The following MDGA2 variants were observed in gnomAD, a reference collection of about 807,000 sequenced individuals.
MDGA2 encodes the protein MAM domain-containing glycosylphosphatidylinositol anchor protein 2.
Under a neutral mutation model 117.8 loss-of-function variants are expected in MDGA2, and 40 were observed. The observed-to-expected ratio is 0.34, with a 90% CI of 0.26 to 0.44. The LOEUF (loss-of-function observed/expected upper bound fraction) is 0.44, where lower values mean the gene tolerates loss of function less well. Among genes scored for constraint, MDGA2 ranks in the 20% least tolerant of loss-of-function variants. The pLI, the probability that MDGA2 is intolerant of heterozygous loss-of-function variation, is 1.00. For missense variants in MDGA2, 1,123 were observed against 1,250.6 expected, an observed-to-expected ratio of 0.90 and a Z score of 1.54; for synonymous variants, 452 against 439.0, an observed-to-expected ratio of 1.03 and a Z score of -0.37.
intron 1 of MDGA2, among the ~76,000 whole-genome samples, chr14:47,561,192 T>C (rs1895809300): frequency 7.0e-6 from 1 of 142,420 alleles, no homozygotes; most frequent in Non-Finnish European, 1.5e-5. Flanking sequence ...TTTTTTTGCT[T>C]AGGATTGCCT....
intron 10 of MDGA2, among the ~76,000 whole-genome samples, chr14:46,904,343 G>T (rs910129554): frequency 1.3e-5 from 2 of 148,644 alleles, no homozygotes; most frequent in African/African-American, 5.0e-5. Flanking sequence ...GTGAGAGAGA[G>T]GGAGACTCTG....
At chr14:47,459,942 G>A (rs1029558842) in intron 1 of MDGA2, among the ~76,000 whole-genome samples, 1 of 152,098 alleles carries the variant, frequency 6.6e-6, no homozygotes, top group Non-Finnish European at 1.5e-5. Context: ...GAATGATCAA[G>A]AGTGGATTTC....
At chr14:47,305,199 T>G (rs1257564758) in intron 1 of MDGA2, 1 of 152,224 alleles carries the variant, frequency 6.6e-6, no homozygotes, top group African/African-American at 2.4e-5. Flanking sequence ...ATTTGCTTAC[T>G]TTAAATATAA....
intron 1 of MDGA2, among the ~76,000 whole-genome samples, chr14:47,365,615 C>G (rs889238824): frequency 3.3e-5 from 5 of 151,956 alleles, no homozygotes; most frequent in Non-Finnish European, 2.9e-5. Context: ...CCTTTTTTTC[C>G]CCACATTAAG....
rs575015041 is a variant in MDGA2, at chr14:47,078,275, T to C, written c.1196-16697A>G. 1.2e-3 allele frequency among the ~76,000 whole-genome samples: 182 copies of C among 152,220 alleles called. 1 individual carries two copies. The highest frequency in any genetic ancestry group is 3.7e-3 in the South Asian group (18 of 4,826). On this transcript the variant is annotated intron_variant, in intron 6 of 16. Transcript: ENST00000399232. Reference sequence around the variant, plus strand: ...ATGAGATCTACTGACCTAGAATAGTTGAAAATATAGTACATGCTCTCCTCC... The same window carrying C: ...ATGAGATCTACTGACCTAGAATAGTCGAAAATATAGTACATGCTCTCCTCC...
At chr14:47,177,754 A>T (rs1884533518) in intron 3 of MDGA2, among the ~76,000 whole-genome samples, 1 of 152,126 alleles carries the variant, frequency 6.6e-6, no homozygotes, top group Non-Finnish European at 1.5e-5. Flanking sequence ...TACATATGTA[A>T]CTAACTTGCA....
chr14:46,901,648 T>C (rs553891358), intron 10 of MDGA2, among the ~76,000 whole-genome samples: 56 of 152,344 alleles, frequency 3.7e-4, no homozygotes, highest in African/African-American at 1.3e-3. Flanking sequence ...TATTCCATGC[T>C]TTTATGCAAT....
chr14:47,610,587 AC>A (rs1173109189), intron 1 of MDGA2, among the ~76,000 whole-genome samples: 2 of 151,874 alleles, frequency 1.3e-5, no homozygotes, highest in Non-Finnish European at 2.9e-5. Context: ...AACAACAACA[AC>A]AACAACAACA....
At chr14:46,880,803 C>CA (rs568224124) in intron 11 of MDGA2, among the ~76,000 whole-genome samples, 262 of 53,920 alleles carry the variant, frequency 4.9e-3, no homozygotes, top group African/African-American at 0.012. Flanking sequence ...ATCCCGTCTC[C>CA]AAAAAAAAAA....
chr14:47,005,842 G>C (rs1039962941), intron 8 of MDGA2, among the ~76,000 whole-genome samples: 7 of 151,366 alleles, frequency 4.6e-5, no homozygotes, highest in Admixed American at 4.0e-4. Flanking sequence ...CTTAAACATT[G>C]ATTGTATGTT....
intron 3 of MDGA2, among the ~76,000 whole-genome samples, chr14:47,158,006 T>TACACACACAC (rs3039402): frequency 4.7e-5 from 7 of 148,980 alleles, no homozygotes; most frequent in Non-Finnish European, 1.0e-4. Context: ...ACAGTATCTA[T>TACACACACAC]ACACACACAC....
chr14:47,047,209 T>C (rs750728044), intron 7 of MDGA2, among the ~76,000 whole-genome samples: 7 of 152,140 alleles, frequency 4.6e-5, no homozygotes, highest in Non-Finnish European at 1.0e-4. Flanking sequence ...TAAAGGATTT[T>C]TTTAATAACC....
chr14:46,920,840 A>G (rs996266140), intron 9 of MDGA2, among the ~76,000 whole-genome samples: 1 of 152,242 alleles, frequency 6.6e-6, no homozygotes, highest in Non-Finnish European at 1.5e-5. Flanking sequence ...TTGTGTTTGT[A>G]TTACCTGCAG....
chr14:47,012,082 A>G (rs765809064), intron 8 of MDGA2, among the ~76,000 whole-genome samples: 10 of 152,216 alleles, frequency 6.6e-5, no homozygotes, highest in Admixed American at 3.3e-4. Context: ...TGTCAGGACT[A>G]TATTAATTAA....
chr14:47,335,745 T>TATATACATACATAC, intron 1 of MDGA2, among the ~76,000 whole-genome samples: 4 of 95,558 alleles, frequency 4.2e-5, no homozygotes, highest in Non-Finnish European at 8.7e-5. Flanking sequence ...TATATATATA[T>TATATACATACATAC]ATACATACAT....
intron 8 of MDGA2, among the ~76,000 whole-genome samples, chr14:46,975,826 G>T (rs1886437055): frequency 6.6e-6 from 1 of 152,038 alleles, no homozygotes; most frequent in South Asian, 2.1e-4. Context: ...TCTGAGGGGG[G>T]CCAGTTTCCT....
At chr14:46,903,310 G>A (rs1351944249) in intron 10 of MDGA2, among the ~76,000 whole-genome samples, 1 of 152,108 alleles carries the variant, frequency 6.6e-6, no homozygotes, top group Non-Finnish European at 1.5e-5. Flanking sequence ...TTAACAGAAA[G>A]GGGTATGGGG....
intron 9 of MDGA2, among the ~76,000 whole-genome samples, chr14:46,932,536 C>G (rs567201431): frequency 1.3e-5 from 2 of 151,970 alleles, no homozygotes; most frequent in East Asian, 3.9e-4. Context: ...GTTTTATAAC[C>G]TTTCCTAAAA....
chr14:47,089,223 T>C (rs905799472), intron 6 of MDGA2, among the ~76,000 whole-genome samples: 2 of 152,112 alleles, frequency 1.3e-5, no homozygotes, highest in Non-Finnish European at 2.9e-5. Flanking sequence ...AAATTAAATA[T>C]TTGTAAAAAT....
Sources: allele counts gnomAD v4.1 joint callset (sites outside exome capture counted in the v4.1 genomes callset), GRCh38; gene constraint gnomAD v4.1.1; transcripts MANE v1.5; gene names NCBI Gene and HGNC (gene_info 2026-07-23, HGNC 2026-07-21).